The following USP47 variants were observed in gnomAD, a reference collection of about 807,000 sequenced individuals.
The protein encoded by USP47 is ubiquitin specific peptidase 47, also known as ubiquitin carboxyl-terminal hydrolase 47.
A neutral mutation model predicts 165.1 loss-of-function variants in USP47; 35 were observed. That is an observed-to-expected ratio of 0.21 (90% CI 0.16 to 0.28). The LOEUF is 0.28. Ranked by LOEUF, USP47 falls within the 10% of genes least tolerant of loss-of-function variation. USP47 has a pLI of 1.00. For synonymous variants in USP47, 531 were observed against 544.5 expected, an observed-to-expected ratio of 0.98 and a Z score of 0.35; for missense variants, 1,277 against 1,607.4, an observed-to-expected ratio of 0.79 and a Z score of 3.52.
At chr11:11,933,757 A>G (rs1854849372) in intron 15 of USP47, 74 bp from the exon 16 acceptor site, 13 of 1,017,410 alleles carry the variant, frequency 1.3e-5, no homozygotes, top group Non-Finnish European at 1.9e-5. Context: ...TTTGACAATT[A>G]GGAATAAATG....
chr11:11,895,689 A>G (rs369870899), intron 4 of USP47, among the ~76,000 whole-genome samples: 5 of 152,150 alleles, frequency 3.3e-5, no homozygotes, highest in Non-Finnish European at 5.9e-5. Flanking sequence ...GAGTAGATTG[A>G]AGGCTAATGT....
chr11:11,948,413 G>A lies in USP47; in HGVS notation c.3268-65G>A, dbSNP rs979160090. ...AGAGTATTTTGGAAAGTTTAAAAAT[G>A]GGATGAGAATGGGTTGTTTATTCTG... On this transcript the variant is annotated intron_variant, in intron 21 of 27. Transcript: ENST00000527733. 3.6e-6 allele frequency: 5 copies of A among 1,395,642 alleles called. No homozygotes were observed. The Admixed American group carries it at 9.0e-5, about 25-fold the overall frequency. The allele number at this position is 1,395,642 out of a possible 1,614,324, so 86.5% of individuals were successfully genotyped here.
chr11:11,903,233 T>C, intron 6 of USP47, 30 bp from the exon 7 acceptor site: 1 of 1,591,844 alleles, frequency 6.3e-7, no homozygotes, highest in Non-Finnish European at 8.6e-7. Flanking sequence ...AGTTTATAGC[T>C]ATTTCTAATT....
chr11:11,842,663 A>G (rs1848198276), intron 1 of USP47, among the ~76,000 whole-genome samples: 1 of 152,112 alleles, frequency 6.6e-6, no homozygotes, highest in Non-Finnish European at 1.5e-5. Flanking sequence ...ATCTACACCC[A>G]AGTGAGATCT....
chr11:11,905,191 T>C (rs1438852475), intron 7 of USP47, among the ~76,000 whole-genome samples: 1 of 150,050 alleles, frequency 6.7e-6, no homozygotes, highest in African/African-American at 2.5e-5. Flanking sequence ...GTTATTTGTG[T>C]TGTTTTGATT....
intron 4 of USP47, among the ~76,000 whole-genome samples, chr11:11,892,818 T>TA (rs778720093): frequency 0.22 from 17,878 of 79,490 alleles, 1,705 homozygotes; most frequent in Middle Eastern, 0.44. Context: ...CTGTCTCAAG[T>TA]AAAAAAAAAA....
At chr11:11,950,505 G>T (rs767381297) in intron 24 of USP47, 23 bp downstream of exon 24, 1 of 1,513,854 alleles carries the variant, frequency 6.6e-7, no homozygotes. Flanking sequence ...TTTTTGGGGG[G>T]AAGTATCAGT....
At chr11:11,876,458 T>C (rs997031603) in intron 1 of USP47, among the ~76,000 whole-genome samples, 3 of 152,214 alleles carry the variant, frequency 2.0e-5, no homozygotes, top group Non-Finnish European at 2.9e-5. Flanking sequence ...TCTATTACTA[T>C]GTAACAGTGG....
Position 11,959,753 on chromosome 11 carries a change from A to T in USP47, c.*3578A>T, listed in dbSNP as rs1847372817. ...AGGAATGCTCTGCCCCTTCCCCATC[A>T]CAGCACTGCCCCTTTCCACCTCCTC... On this transcript the variant is annotated 3_prime_UTR_variant, in exon 28 of 28. Coordinates refer to ENST00000527733, the MANE Select transcript of USP47 (RefSeq NM_001282659.2). Among the ~76,000 whole-genome samples the T allele has an allele frequency of 1.3e-5, 2 of 152,148 alleles. No homozygotes were observed. The highest frequency in any genetic ancestry group is 6.5e-5 in the Admixed American group (1 of 15,270).
chr11:11,927,034 A>T (rs1854302427), intron 11 of USP47, among the ~76,000 whole-genome samples: 1 of 133,618 alleles, frequency 7.5e-6, no homozygotes, highest in African/African-American at 2.5e-5. Flanking sequence ...ATTGATTTCT[A>T]GTTTCTCTCC....
At position 11,957,463 on chromosome 11, in the gene USP47, A is replaced by G. The variant is rs188639636; in HGVS notation, c.*1288A>G. On this transcript the variant is annotated 3_prime_UTR_variant, in exon 28 of 28. Coordinates refer to ENST00000527733, the MANE Select transcript of USP47 (RefSeq NM_001282659.2). The stretch of plus-strand genomic sequence containing the variant: ...AAAAAGGTTTTGGTAAAACTTTTTC[A>G]TGCCAGATGCTGTTTACAACAATGA... 2 of 152,664 alleles carry G rather than the reference A, an allele frequency of 1.3e-5. No individual in the cohort carries two copies. The highest frequency in any genetic ancestry group is 2.9e-5 in the Non-Finnish European group (2 of 68,032). 9.5% of individuals were successfully genotyped at this position (152,664 alleles called of 1,614,324 possible).
chr11:11,894,819 G>C (rs1317533287), intron 4 of USP47, among the ~76,000 whole-genome samples: 1 of 152,046 alleles, frequency 6.6e-6, no homozygotes, highest in African/African-American at 2.4e-5. Flanking sequence ...TAAAATACAT[G>C]TCATTGTCTT....
In USP47 at chr11:11,852,529, A is replaced by T. The variant is rs146236507; in HGVS notation, c.39+10305A>T. ...CCCATCTTATGTTTTCCTTGCCCCA[A>T]CCCTGGAATCAACCAGTTCTCCAAG... On this transcript the variant is annotated intron_variant, in intron 1 of 27. Coordinates refer to ENST00000527733, the MANE Select transcript of USP47 (RefSeq NM_001282659.2). Among the ~76,000 whole-genome samples the T allele has an allele frequency of 1.5e-3, 231 of 152,182 alleles. 1 individual carries two copies. Among genetic ancestry groups the T allele is most frequent in the African/African-American group, 5.3e-3 (219 of 41,526 alleles).
rs141171746 is a variant in USP47, at chr11:11,882,403, A to C, written c.243+2023A>C. On this transcript the variant is annotated intron_variant, in intron 2 of 27. Transcript: ENST00000527733. ...TTGATGTTGCCTGATTTGCCCTTAA[A>C]ATCATATTATGCTTTTTATTCCATA... Among the ~76,000 whole-genome samples the C allele has an allele frequency of 3.8e-3, 581 of 152,354 alleles. 2 individuals carry two copies. The highest frequency in any genetic ancestry group is 6.5e-3 in the Non-Finnish European group (444 of 68,018).
intron 1 of USP47, among the ~76,000 whole-genome samples, chr11:11,844,072 T>G (rs1251446400): frequency 6.6e-6 from 1 of 152,218 alleles, no homozygotes; most frequent in Non-Finnish European, 1.5e-5. Context: ...TCATTCTTTA[T>G]TAAAGTGATT....
Position 11,842,143 on chromosome 11 carries a change from C to T in USP47, c.-43C>T, listed in dbSNP as rs1848154537. On this transcript the variant is annotated 5_prime_UTR_variant, in exon 1 of 28. Transcript: ENST00000527733. ...GAGCTAGCGAGCCGCCGCCACCCTC[C>T]ACCCTCCCCCGGCAGGGCGGAGAGG... is the stretch of plus-strand genomic sequence containing the variant. 6.5e-7 allele frequency: 1 copy of T among 1,550,086 alleles called. No individual in the cohort carries two copies. The highest frequency in any genetic ancestry group is 2.0e-5 in the Admixed American group (1 of 50,796).
intron 1 of USP47, among the ~76,000 whole-genome samples, chr11:11,862,948 C>G (rs1016905423): frequency 1.3e-5 from 2 of 152,104 alleles, no homozygotes; most frequent in Non-Finnish European, 2.9e-5. Flanking sequence ...ACATTGTACC[C>G]TTTAATTAAT....
intron 1 of USP47, among the ~76,000 whole-genome samples, chr11:11,848,605 G>T (rs1848554432): frequency 7.0e-6 from 1 of 143,560 alleles, no homozygotes. Context: ...TTTGAAACTG[G>T]CATTTTTTTT....
At chr11:11,842,655 C>A (rs1489759754) in intron 1 of USP47, among the ~76,000 whole-genome samples, 1 of 152,120 alleles carries the variant, frequency 6.6e-6, no homozygotes, top group African/African-American at 2.4e-5. Context: ...CTTGTGAAAT[C>A]TACACCCAAG....
Sources: allele counts gnomAD v4.1 joint callset (sites outside exome capture counted in the v4.1 genomes callset), GRCh38; gene constraint gnomAD v4.1.1; transcripts MANE v1.5; gene names NCBI Gene and HGNC (gene_info 2026-07-23, HGNC 2026-07-21).